FGF14: variants seen among roughly 807,000 people sequenced by gnomAD.
FGF14 encodes the protein fibroblast growth factor 14.
FGF14 carries 5 observed loss-of-function variants against 25.5 expected under a neutral mutation model. The ratio of observed to expected loss-of-function variants is 0.20; its 90% CI spans 0.10 to 0.41. FGF14 has a LOEUF of 0.41. Among genes scored for constraint, FGF14 ranks in the 10% least tolerant of loss-of-function variants. FGF14 has a pLI of 1.00. For synonymous variants in FGF14, 138 were observed against 118.3 expected (o/e 1.17, Z -1.08); for missense variants, 222 against 320.1 (o/e 0.69, Z 2.34).
chr13:102,231,946 T>C (rs2051104250), intron 1 of FGF14, among the ~76,000 whole-genome samples: 2 of 152,238 alleles, frequency 1.3e-5, no homozygotes. Flanking sequence ...GATACTATTA[T>C]TAGCTGTTGC....
At position 101,718,840 on chromosome 13, in the gene FGF14, C is replaced by A. The variant is rs2139636152; in HGVS notation, c.*3991G>T. 1 of 151,548 alleles carries A rather than the reference C, an allele frequency of 6.6e-6. No homozygotes were observed. Among genetic ancestry groups the A allele is most frequent in the Admixed American group, 6.6e-5 (1 of 15,214 alleles). The allele number at this position is 151,548 out of a possible 1,614,324, so 9.4% of individuals were successfully genotyped here. On this transcript the variant is annotated 3_prime_UTR_variant, in exon 5 of 5. Transcript: ENST00000376143. The stretch of plus-strand genomic sequence containing the variant: ...TAGTTTGCAGACTCAACTGTCAACA[C>A]TTTGAAACCCTACTCCATATTCAAG...
intron 1 of FGF14, among the ~76,000 whole-genome samples, chr13:102,110,563 CAACAG>C (rs763222828): frequency 3.3e-5 from 5 of 152,076 alleles, no homozygotes; most frequent in Admixed American, 6.6e-5. Context: ...TGAAGAGTTC[CAACAG>C]AACAACAGAA....
chr13:102,165,311 C>A (rs1393171533), intron 1 of FGF14, among the ~76,000 whole-genome samples: 2 of 151,984 alleles, frequency 1.3e-5, no homozygotes, highest in Admixed American at 6.6e-5. Context: ...CATCCCATTA[C>A]TGGGTATATA....
chr13:102,074,041 T>C (rs2043255697), intron 1 of FGF14, among the ~76,000 whole-genome samples: 1 of 152,220 alleles, frequency 6.6e-6, no homozygotes, highest in Non-Finnish European at 1.5e-5. Context: ...AGGATCTTGC[T>C]GTGTCACCCA....
chr13:102,022,757 T>C (rs1423398630), intron 1 of FGF14, among the ~76,000 whole-genome samples: 1 of 152,102 alleles, frequency 6.6e-6, no homozygotes, highest in Non-Finnish European at 1.5e-5. Context: ...TTTTAAACTA[T>C]AAAAAAGAGA....
rs937664985 is a variant in FGF14, at chr13:101,889,556, C to T, written c.194-14260G>A. On this transcript the variant is annotated intron_variant, in intron 1 of 4. Transcript: ENST00000376143. The stretch of plus-strand genomic sequence containing the variant: ...ATAACCAGACATATTTATAAACCCA[C>T]GTCTGAAGAAATCCATCCATCTCCA... 2.0e-4 allele frequency among the ~76,000 whole-genome samples: 31 copies of T among 152,120 alleles called. 1 individual carries two copies. The highest frequency in any genetic ancestry group is 4.0e-4 in the Non-Finnish European group (27 of 68,036).
At chr13:101,845,541 GA>G (rs1165781266) in intron 3 of FGF14, among the ~76,000 whole-genome samples, 2 of 151,916 alleles carry the variant, frequency 1.3e-5, no homozygotes, top group Non-Finnish European at 2.9e-5. Flanking sequence ...ATGGAGACAG[GA>G]AAACACAGAG....
At chr13:101,828,047 G>C (rs2140268104) in intron 3 of FGF14, among the ~76,000 whole-genome samples, 1 of 151,656 alleles carries the variant, frequency 6.6e-6, no homozygotes, top group South Asian at 2.1e-4. Flanking sequence ...AATCTCCCAA[G>C]TCATTCAAAT....
At chr13:102,038,254 G>A (rs1028863920) in intron 1 of FGF14, among the ~76,000 whole-genome samples, 1 of 152,056 alleles carries the variant, frequency 6.6e-6, no homozygotes, top group Non-Finnish European at 1.5e-5. Context: ...TTCAAAAATG[G>A]AAAGGGAATA....
intron 1 of FGF14, among the ~76,000 whole-genome samples, chr13:101,936,873 T>C (rs2139284629): frequency 6.6e-6 from 1 of 152,362 alleles, no homozygotes; most frequent in East Asian, 1.9e-4. Flanking sequence ...ATCCATAAGA[T>C]ATTTGCAAAT....
chr13:101,853,547 T>G (rs779166232), intron 3 of FGF14, among the ~76,000 whole-genome samples: 2 of 151,998 alleles, frequency 1.3e-5, no homozygotes, highest in Non-Finnish European at 2.9e-5. Flanking sequence ...CCAAGTGCTG[T>G]GCTCCTATGA....
intron 1 of FGF14, among the ~76,000 whole-genome samples, chr13:102,030,031 G>A (rs2041131673): frequency 1.3e-5 from 2 of 151,972 alleles, no homozygotes; most frequent in African/African-American, 4.8e-5. Flanking sequence ...CCTCTTTTTA[G>A]GAGAGAAAAG....
At chr13:102,321,902 T>A (rs1206495063) in intron 1 of FGF14, among the ~76,000 whole-genome samples, 3 of 152,174 alleles carry the variant, frequency 2.0e-5, no homozygotes, top group South Asian at 2.1e-4. Context: ...AGGTAGAAAG[T>A]GGCATTTAAA....
intron 1 of FGF14, among the ~76,000 whole-genome samples, chr13:101,990,564 T>C (rs2038844457): frequency 2.6e-5 from 4 of 152,126 alleles, no homozygotes; most frequent in Admixed American, 1.3e-4. Flanking sequence ...TGAAGGATGA[T>C]TGTCCTTGAG....
intron 1 of FGF14, among the ~76,000 whole-genome samples, chr13:101,958,322 C>A (rs1305386818): frequency 6.6e-6 from 1 of 152,214 alleles, no homozygotes; most frequent in Non-Finnish European, 1.5e-5. Context: ...GGCAGGGAAT[C>A]TGAAGATGTT....
chr13:102,016,574 A>T (rs192808717), intron 1 of FGF14, among the ~76,000 whole-genome samples: 1 of 152,270 alleles, frequency 6.6e-6, no homozygotes, highest in South Asian at 2.1e-4. Flanking sequence ...TTATTTTCCA[A>T]AGGCAAAAGA....
chr13:102,195,347 C>T (rs1416284930), intron 1 of FGF14, among the ~76,000 whole-genome samples: 1 of 151,728 alleles, frequency 6.6e-6, no homozygotes, highest in Non-Finnish European at 1.5e-5. Flanking sequence ...TATAAGAGCA[C>T]AAAGAAAGGG....
intron 1 of FGF14, among the ~76,000 whole-genome samples, chr13:102,306,443 C>A (rs886885633): frequency 2.0e-5 from 3 of 152,040 alleles, no homozygotes; most frequent in Non-Finnish European, 2.9e-5. Context: ...AAGAATCAGG[C>A]CTTCTGGAAA....
intron 1 of FGF14, among the ~76,000 whole-genome samples, chr13:102,038,463 T>C (rs1424040857): frequency 2.6e-5 from 4 of 152,172 alleles, no homozygotes; most frequent in African/African-American, 9.6e-5. Flanking sequence ...GGAACAGTTA[T>C]ATTATCCATT....
Sources: gnomAD v4.1 joint callset for allele counts (sites outside exome capture counted in the v4.1 genomes callset) on GRCh38, gnomAD v4.1.1 for gene constraint, MANE v1.5 for transcripts, NCBI Gene and HGNC (gene_info 2026-07-23, HGNC 2026-07-21) for gene names.